The following SH3PXD2A variants were observed in gnomAD, a reference collection of about 807,000 sequenced individuals.
SH3PXD2A encodes SH3 and PX domains 2A.
In SH3PXD2A, 32 loss-of-function variants were observed where a neutral mutation model predicts 115.2. The ratio of observed to expected loss-of-function variants is 0.28; its 90% CI spans 0.21 to 0.37. The LOEUF (loss-of-function observed/expected upper bound fraction) is 0.37, where lower values mean the gene tolerates loss of function less well. Among genes scored for constraint, SH3PXD2A ranks in the 10% least tolerant of loss-of-function variants. SH3PXD2A has a pLI of 1.00. For synonymous variants in SH3PXD2A, 610 were observed against 629.1 expected (o/e 0.97, Z 0.45); for missense variants, 1,328 against 1,498.7 (o/e 0.89, Z 1.88).
intron 5 of SH3PXD2A, among the ~76,000 whole-genome samples, chr10:103,714,070 A>C (rs1398640810): frequency 1.3e-5 from 2 of 151,956 alleles, no homozygotes; most frequent in African/African-American, 4.8e-5. Context: ...TCTGCCTTAA[A>C]CTCCCCATGG....
chr10:103,705,346 C>T (rs1564869169), intron 5 of SH3PXD2A, among the ~76,000 whole-genome samples: 1 of 152,240 alleles, frequency 6.6e-6, no homozygotes, highest in African/African-American at 2.4e-5. Context: ...AGCAGTTCTC[C>T]CCACCGTGAG....
chr10:103,680,274 C>T (rs935746221), intron 6 of SH3PXD2A, among the ~76,000 whole-genome samples: 6 of 151,298 alleles, frequency 4.0e-5, no homozygotes, highest in African/African-American at 9.7e-5. Context: ...CTACCACACC[C>T]GGCCTGCCTT....
chr10:103,756,158 G>C lies in SH3PXD2A; in HGVS notation c.229+10936C>G, dbSNP rs866529510. 1.3e-5 allele frequency among the ~76,000 whole-genome samples: 2 copies of C among 152,172 alleles called. No individual in the cohort carries two copies. The highest frequency in any genetic ancestry group is 2.9e-5 in the Non-Finnish European group (2 of 68,038). On this transcript the variant is annotated intron_variant, in intron 3 of 14. Coordinates refer to ENST00000369774, the MANE Select transcript of SH3PXD2A (RefSeq NM_001394015.1). The surrounding 1 kb of genome is among the most constrained non-coding windows in gnomAD (Gnocchi z 4.4). ...AACTGTGGAGGTGAAGGGGGAGGAG[G>C]TATTTTCAGCGCCCAGAACGATGGA...
chr10:103,619,361 G>A (rs903779631), intron 10 of SH3PXD2A, among the ~76,000 whole-genome samples: 3 of 152,198 alleles, frequency 2.0e-5, no homozygotes, highest in Non-Finnish European at 4.4e-5. Flanking sequence ...CAGGCTCCGG[G>A]AATCCAGGAT....
intron 1 of SH3PXD2A, among the ~76,000 whole-genome samples, chr10:103,805,760 A>G (rs2039195773): frequency 6.6e-6 from 1 of 152,196 alleles, no homozygotes; most frequent in Non-Finnish European, 1.5e-5. Flanking sequence ...GCAGTGGCTC[A>G]TGCCTGTAAT....
intron 6 of SH3PXD2A, among the ~76,000 whole-genome samples, chr10:103,692,326 T>A (rs1018538391): frequency 6.9e-6 from 1 of 145,420 alleles, no homozygotes. Context: ...CCTCTCTCCC[T>A]GCCTCCACCC....
rs761403677 is a variant in SH3PXD2A, at chr10:103,602,386, C to T, written c.2832G>A (p.Lys944=). The change falls in exon 15 of 15, where the codon AAG becomes AAA. Residue 944 remains lysine (K), a synonymous_variant. Transcript: ENST00000369774. The part of the protein sequence containing the change: ...QALNTVNQSK[K]ATPPIPSKPP... ...GTTTGGAGGGGATGGGGGGCGTGGCCTTCTTGCTCTGGTTGACGGTGTTCA... is the reference window on the plus strand; with the variant it reads ...GTTTGGAGGGGATGGGGGGCGTGGCTTTCTTGCTCTGGTTGACGGTGTTCA... The T allele has an allele frequency of 1.2e-6, 2 of 1,613,984 alleles. No individual in the cohort carries two copies. The highest frequency in any genetic ancestry group is 1.7e-6 in the Non-Finnish European group (2 of 1,179,980).
chr10:103,838,268 G>A (rs1035725855), intron 1 of SH3PXD2A, among the ~76,000 whole-genome samples: 8 of 152,238 alleles, frequency 5.3e-5, no homozygotes, highest in African/African-American at 1.7e-4. Context: ...CACCTGCGGT[G>A]TGGGTGCAAA....
At chr10:103,796,021 G>A (rs2039084877) in intron 2 of SH3PXD2A, among the ~76,000 whole-genome samples, 1 of 152,054 alleles carries the variant, frequency 6.6e-6, no homozygotes, top group African/African-American at 2.4e-5. Flanking sequence ...CCAAACTAGA[G>A]TGTGGGTGTT....
intron 1 of SH3PXD2A, among the ~76,000 whole-genome samples, chr10:103,853,624 C>T (rs1455015737): frequency 6.6e-6 from 1 of 152,298 alleles, no homozygotes; most frequent in East Asian, 1.9e-4. Flanking sequence ...AGTTTGTTAC[C>T]AGTGTGTCCT....
At chr10:103,687,763 C>G (rs946577872) in intron 6 of SH3PXD2A, among the ~76,000 whole-genome samples, 1 of 152,200 alleles carries the variant, frequency 6.6e-6, no homozygotes, top group Admixed American at 6.5e-5. Flanking sequence ...CTGCAAGGCC[C>G]TACATGGTGC....
chr10:103,733,208 T>C (rs867218827), intron 4 of SH3PXD2A, among the ~76,000 whole-genome samples: 3 of 152,096 alleles, frequency 2.0e-5, no homozygotes, highest in Non-Finnish European at 4.4e-5. Flanking sequence ...CAGACCCCAC[T>C]TCAATGGCTC....
chr10:103,755,150 C>A (rs1353573975), intron 3 of SH3PXD2A: 2 of 152,202 alleles, frequency 1.3e-5, no homozygotes, highest in Non-Finnish European at 2.9e-5. Context: ...TGGGACCGCA[C>A]TCCTGAGAAG....
intron 8 of SH3PXD2A, among the ~76,000 whole-genome samples, chr10:103,639,490 G>A (rs183659337): frequency 1.6e-3 from 246 of 151,954 alleles, no homozygotes; most frequent in African/African-American, 4.1e-3. Flanking sequence ...TGTGCCTGTA[G>A]TCCCAGCTAC....
At chr10:103,724,499 A>G (rs2038218054) in intron 4 of SH3PXD2A, 138 bp from the exon 5 acceptor site, 1 of 530,858 alleles carries the variant, frequency 1.9e-6, no homozygotes, top group African/African-American at 2.0e-5. Context: ...CCAGCCACCC[A>G]CCTGTCCACC....
At chr10:103,692,153 C>CAG (rs1245755072) in intron 6 of SH3PXD2A, among the ~76,000 whole-genome samples, 2 of 152,198 alleles carry the variant, frequency 1.3e-5, no homozygotes, top group East Asian at 1.9e-4. Context: ...TCTGTCCCCG[C>CAG]CCCCACTTCA....
At chr10:103,776,162 G>C (rs1033417094) in intron 2 of SH3PXD2A, among the ~76,000 whole-genome samples, 1 of 152,162 alleles carries the variant, frequency 6.6e-6, no homozygotes, top group Non-Finnish European at 1.5e-5. Flanking sequence ...CAAGGCAGGA[G>C]GATTGCTTAA....
chr10:103,669,420 A>T (rs1333866164), intron 6 of SH3PXD2A, among the ~76,000 whole-genome samples: 1 of 152,248 alleles, frequency 6.6e-6, no homozygotes, highest in Admixed American at 6.5e-5. Context: ...AGCAGCATAA[A>T]GAACTTATGA....
At chr10:103,827,546 A>G (rs114812121) in intron 1 of SH3PXD2A, among the ~76,000 whole-genome samples, 444 of 152,272 alleles carry the variant, frequency 2.9e-3, no homozygotes, top group African/African-American at 0.01. Context: ...ACCTCACAGG[A>G]GTGCTTTGAG....
Sources: gnomAD v4.1 joint callset for allele counts (sites outside exome capture counted in the v4.1 genomes callset) on GRCh38, gnomAD v4.1.1 for gene constraint, Gnocchi (gnomAD v3.1) non-coding constraint, MANE v1.5 for transcripts, NCBI Gene and HGNC (gene_info 2026-07-23, HGNC 2026-07-21) for gene names.